Variants in SLC9A1 observed in about 807,000 individuals in gnomAD.
SLC9A1 encodes solute carrier family 9 member A1, also known as sodium/hydrogen exchanger 1.
Under a neutral mutation model 67.9 loss-of-function variants are expected in SLC9A1, and 22 were observed. The observed-to-expected ratio is 0.32, with a 90% CI of 0.23 to 0.46. The LOEUF (loss-of-function observed/expected upper bound fraction) is 0.46. SLC9A1 is among the 20% of genes least tolerant of loss of function. The pLI is 1.00. For synonymous variants in SLC9A1, 421 were observed against 471.8 expected (o/e 0.89, Z 1.40); for missense variants, 686 against 1,094.8 (o/e 0.63, Z 5.27).
chr1:27,150,570 A>T (rs1570890794), intron 1 of SLC9A1, among the ~76,000 whole-genome samples: 1 of 152,146 alleles, frequency 6.6e-6, no homozygotes, highest in East Asian at 1.9e-4. Flanking sequence ...TAAGGCTTGG[A>T]GTCATTCCCA....
At chr1:27,110,872 G>T (rs1233294046) in intron 2 of SLC9A1, among the ~76,000 whole-genome samples, 1 of 152,184 alleles carries the variant, frequency 6.6e-6, no homozygotes, top group Non-Finnish European at 1.5e-5. Flanking sequence ...TTCCAGGCCT[G>T]GGGGAAGGGA....
intron 6 of SLC9A1, 95 bp downstream of exon 6, chr1:27,103,127 GA>G (rs1460072753): frequency 4.3e-6 from 4 of 929,794 alleles, no homozygotes; most frequent in Non-Finnish European, 7.0e-6. Flanking sequence ...GGCACAGGGA[GA>G]AGGGGCTGAT....
intron 1 of SLC9A1, among the ~76,000 whole-genome samples, chr1:27,130,257 C>T (rs901930878): frequency 2.2e-4 from 33 of 152,224 alleles, no homozygotes; most frequent in African/African-American, 7.2e-4. Flanking sequence ...CCCGCCACCA[C>T]ACTCGGTTAA....
At chr1:27,117,203 C>T (rs559388917) in intron 1 of SLC9A1, among the ~76,000 whole-genome samples, 3 of 152,026 alleles carry the variant, frequency 2.0e-5, no homozygotes, top group Non-Finnish European at 4.4e-5. Context: ...ACAGGCACAG[C>T]GCAGCGGAGA....
intron 1 of SLC9A1, among the ~76,000 whole-genome samples, chr1:27,142,749 G>A (rs1557433998): frequency 1.3e-5 from 2 of 152,320 alleles, no homozygotes; most frequent in East Asian, 1.9e-4. Context: ...TGTAGGCGGA[G>A]CATGTTGCAT....
At chr1:27,105,772 G>C in intron 5 of SLC9A1, 113 bp downstream of exon 5, 1 of 906,216 alleles carries the variant, frequency 1.1e-6, no homozygotes, top group Non-Finnish European at 1.8e-6. Flanking sequence ...CAGCAAGTTA[G>C]TGGTGGAGCT....
At chr1:27,111,469 T>C (rs911239894) in intron 2 of SLC9A1, among the ~76,000 whole-genome samples, 22 of 152,250 alleles carry the variant, frequency 1.4e-4, no homozygotes, top group African/African-American at 5.1e-4. Flanking sequence ...AATATAACTG[T>C]GTCAACCTCA....
At chr1:27,153,872 T>G in intron 1 of SLC9A1, 111 bp downstream of exon 1, 2 of 694,000 alleles carry the variant, frequency 2.9e-6, no homozygotes, top group Non-Finnish European at 2.4e-6. Context: ...ACTGCCTACT[T>G]TATGGGGGTA....
chr1:27,152,014 AGG>A (rs2083531642), intron 1 of SLC9A1, among the ~76,000 whole-genome samples: 1 of 152,218 alleles, frequency 6.6e-6, no homozygotes, highest in African/African-American at 2.4e-5. Context: ...CACACCTGGA[AGG>A]GACCACAAAG....
intron 4 of SLC9A1, among the ~76,000 whole-genome samples, chr1:27,107,138 A>ACC (rs60480330): frequency 2.3e-5 from 1 of 42,674 alleles, no homozygotes; most frequent in African/African-American, 9.5e-5. Context: ...CTACACACAC[A>ACC]CACCCACACC....
At chr1:27,108,303 T>A (rs1434421164) in intron 3 of SLC9A1, among the ~76,000 whole-genome samples, 1 of 148,962 alleles carries the variant, frequency 6.7e-6, no homozygotes, top group Admixed American at 6.7e-5. Flanking sequence ...CCTGACCTTG[T>A]AATCCACCCG....
chr1:27,124,616 G>T (rs1376780957), intron 1 of SLC9A1, among the ~76,000 whole-genome samples: 1 of 152,194 alleles, frequency 6.6e-6, no homozygotes, highest in Non-Finnish European at 1.5e-5. Flanking sequence ...AAACACAGGC[G>T]GCACTGGCTG....
Position 27,109,899 on chromosome 1 carries a change from G to T in SLC9A1, c.814-122C>A. 4 of 1,159,572 alleles carry T rather than the reference G, an allele frequency of 3.4e-6. No homozygotes were observed. Among genetic ancestry groups the T allele is most frequent in the African/African-American group, 1.5e-5 (1 of 65,036 alleles). 71.8% of individuals were successfully genotyped at this position (1,159,572 alleles called of 1,614,324 possible). On this transcript the variant is annotated intron_variant, in intron 2 of 11. Coordinates refer to ENST00000263980, the MANE Select transcript of SLC9A1 (RefSeq NM_003047.5). This position sits in a 1 kb window ranked among gnomAD's most constrained non-coding sequence, Gnocchi z 5.5. ...CATGGCCACAAGAAGAGGCCACACG[G>T]TAGCAGAGAAACCCTAGTGCCAAGC...
At chr1:27,130,152 G>A (rs1173605560) in intron 1 of SLC9A1, among the ~76,000 whole-genome samples, 1 of 152,208 alleles carries the variant, frequency 6.6e-6, no homozygotes, top group African/African-American at 2.4e-5. Flanking sequence ...TCAGGCTGGA[G>A]TGCAGTGGCA....
intron 1 of SLC9A1, among the ~76,000 whole-genome samples, chr1:27,138,631 G>C (rs2083434755): frequency 6.6e-6 from 1 of 152,096 alleles, no homozygotes; most frequent in Non-Finnish European, 1.5e-5. Flanking sequence ...ACCGGCGCGA[G>C]GCAGTCTATG....
At chr1:27,103,637 T>C in intron 5 of SLC9A1, 1 of 360,632 alleles carries the variant, frequency 2.8e-6, no homozygotes, top group Non-Finnish European at 5.3e-6. Flanking sequence ...CCCATGGAAG[T>C]CAGGCCCCAC....
In SLC9A1 at chr1:27,154,414, T is replaced by C. The variant is rs977786034; in HGVS notation, c.-80A>G. 5 of 860,174 alleles carry C rather than the reference T, an allele frequency of 5.8e-6. No individual in the cohort carries two copies. The highest frequency in any genetic ancestry group is 8.8e-6 in the Non-Finnish European group (5 of 565,378). The allele number at this position is 860,174 out of a possible 1,614,324, so 53.3% of individuals were successfully genotyped here. On this transcript the variant is annotated 5_prime_UTR_variant, in exon 1 of 12. Transcript: ENST00000263980. ...ACATAGGTAGCAAAGGGTCAGCAAG[T>C]GGGAAGAGAGACTGGCGTAGTCTCT...
In SLC9A1 at chr1:27,106,495, T is replaced by G. The variant is rs755500629; in HGVS notation, c.1283-408A>C. On this transcript the variant is annotated intron_variant, in intron 4 of 11. Coordinates refer to ENST00000263980, the MANE Select transcript of SLC9A1 (RefSeq NM_003047.5). This position sits in a 1 kb window ranked among gnomAD's most constrained non-coding sequence, Gnocchi z 4.3. The stretch of plus-strand genomic sequence containing the variant: ...ATAAAGCATAAAAAATGCAGAGGGC[T>G]GGGCCCAACCTCCACCCACAGAACC... Among the ~76,000 whole-genome samples the G allele has an allele frequency of 3.9e-5, 6 of 152,124 alleles. No individual in the cohort carries two copies. The highest frequency in any genetic ancestry group is 8.8e-5 in the Non-Finnish European group (6 of 68,006).
At position 27,101,259 on chromosome 1, in the gene SLC9A1, G is replaced by A. The variant is rs140853773; in HGVS notation, c.2054C>T (p.Thr685Met). 27 of 1,612,040 alleles carry A rather than the reference G, an allele frequency of 1.7e-5. No homozygotes were observed. Among genetic ancestry groups the A allele is most frequent in the East Asian group, 4.5e-5 (2 of 44,884 alleles). The change falls in exon 11 of 12, where the codon ACG (threonine) becomes ATG (methionine). Residue 685 changes from threonine (T) to methionine (M), a missense_variant. Transcript: ENST00000263980. The surrounding 1 kb of genome is among the most constrained non-coding windows in gnomAD (Gnocchi z 4.9). ...TGAGTCCAGCTTGTGGGCTGGCACC[G>A]TCAGGTAGTTGTTGATCTGACAGAG... ...QLEQKINNYL[T>M]VPAHKLDSPT...
Sources: gnomAD v4.1 joint callset for allele counts (sites outside exome capture counted in the v4.1 genomes callset) on GRCh38, gnomAD v4.1.1 for gene constraint, Gnocchi (gnomAD v3.1) non-coding constraint, MANE v1.5 for transcripts, NCBI Gene and HGNC (gene_info 2026-07-23, HGNC 2026-07-21) for gene names.